Variants in CAST observed in about 807,000 individuals in gnomAD.
CAST encodes the protein MIR583 host.
CAST carries 76 observed loss-of-function variants against 119.6 expected under a neutral mutation model. The observed-to-expected ratio is 0.64, with a 90% CI of 0.53 to 0.77. The LOEUF is 0.77. Ranked by LOEUF, CAST falls within the 30% of genes least tolerant of loss-of-function variation. The probability of loss-of-function intolerance (pLI) is 0.00; values close to 1 mark genes in which losing one functional copy is unlikely to be tolerated. For synonymous variants in CAST, 319 were observed against 331.6 expected, an observed-to-expected ratio of 0.96 and a Z score of 0.41; for missense variants, 953 against 946.5, an observed-to-expected ratio of 1.01 and a Z score of -0.09.
chr5:96,633,306 C>T (rs988526616), intron 1 of CAST, among the ~76,000 whole-genome samples: 14 of 152,084 alleles, frequency 9.2e-5, no homozygotes, highest in African/African-American at 2.4e-4. Flanking sequence ...ATAGTATTGC[C>T]GTATTAACAA....
chr5:96,384,211 G>T, the CAST span, among the ~76,000 whole-genome samples: 1 of 152,044 alleles, frequency 6.6e-6, no homozygotes, highest in African/African-American at 2.4e-5. Context: ...TAGGAAATTG[G>T]GTAGAAAATT....
intron 1 of CAST, among the ~76,000 whole-genome samples, chr5:96,596,362 A>G (rs946250655): frequency 3.9e-5 from 6 of 152,286 alleles, no homozygotes; most frequent in Admixed American, 3.3e-4. Context: ...CAGCCACTAA[A>G]AGCTGAAAAA....
chr5:96,190,330 G>T, the CAST span, among the ~76,000 whole-genome samples: 3 of 152,178 alleles, frequency 2.0e-5, no homozygotes, highest in African/African-American at 7.2e-5. Flanking sequence ...TTCAGTGTGT[G>T]TGAGTGGGGA....
At chr5:96,145,892 T>C in the CAST span, among the ~76,000 whole-genome samples, 41 of 152,258 alleles carry the variant, frequency 2.7e-4, 1 homozygote, top group Admixed American at 2.0e-3. Context: ...CATACTTACA[T>C]AGTGGATGGT....
In CAST at chr5:96,766,118, C is replaced by T. The variant is rs61733809; in HGVS notation, c.2103C>T (p.Tyr701=). ...GAGATGACACTATCCCACCTGAATACAGACATCTCCTGGATGATAATGGAC... is the reference window on the plus strand; with the variant it reads ...GAGATGACACTATCCCACCTGAATATAGACATCTCCTGGATGATAATGGAC... The part of the protein sequence containing the change: ...GERDDTIPPE[Y]RHLLDDNGQD... The change falls in exon 27 of 32, where the codon TAC becomes TAT. Residue 701 remains tyrosine, a synonymous_variant. Coordinates refer to ENST00000675179, the MANE Select transcript of CAST (RefSeq NM_001750.7). The T allele has an allele frequency of 5.1e-3, 8,156 of 1,607,712 alleles. 40 individuals are homozygous for T. The highest frequency in any genetic ancestry group is 6.3e-3 in the Non-Finnish European group (7,393 of 1,174,750).
chr5:96,650,939 A>G (rs1301233712), intron 1 of CAST, among the ~76,000 whole-genome samples: 1 of 152,150 alleles, frequency 6.6e-6, no homozygotes, highest in Non-Finnish European at 1.5e-5. Context: ...TTGCTTTCCA[A>G]TCTTGACACT....
intron 4 of CAST, among the ~76,000 whole-genome samples, chr5:96,725,956 C>T (rs969120957): frequency 3.9e-5 from 6 of 152,188 alleles, no homozygotes; most frequent in East Asian, 3.9e-4. Context: ...AGTGTGTTAG[C>T]CTAGCAAGGG....
chr5:96,770,279 G>C (rs770765416), intron 29 of CAST: 4 of 465,602 alleles, frequency 8.6e-6, no homozygotes, highest in Non-Finnish European at 1.2e-5. Flanking sequence ...GTCTGGGTGA[G>C]TCAGGCACCA....
the CAST span, among the ~76,000 whole-genome samples, chr5:96,014,324 TA>T: frequency 6.6e-6 from 1 of 152,160 alleles, no homozygotes; most frequent in African/African-American, 2.4e-5. Context: ...CTCCTGTGAT[TA>T]AAAATGGCTT....
the CAST span, among the ~76,000 whole-genome samples, chr5:96,464,203 G>A: frequency 6.6e-6 from 1 of 152,080 alleles, no homozygotes; most frequent in East Asian, 1.9e-4. Flanking sequence ...TACAGAAAAG[G>A]TTCTGGTAAA....
the CAST span, among the ~76,000 whole-genome samples, chr5:96,229,010 GA>G: frequency 0.03 from 4,480 of 151,728 alleles, 222 homozygotes; most frequent in African/African-American, 0.1. Context: ...TCTACCTTTA[GA>G]ATAACGATTT....
At chr5:96,495,688 T>C in the CAST span, among the ~76,000 whole-genome samples, 2 of 152,224 alleles carry the variant, frequency 1.3e-5, no homozygotes, top group South Asian at 2.1e-4. Flanking sequence ...TTGGGTTGGT[T>C]CCAAGTCTTT....
chr5:96,541,061 T>C (rs559357739), intron 1 of CAST, among the ~76,000 whole-genome samples: 3 of 152,238 alleles, frequency 2.0e-5, no homozygotes, highest in African/African-American at 7.2e-5. Context: ...TCCTAAGGAG[T>C]GTAGAGTTAC....
At chr5:96,091,330 G>A in the CAST span, among the ~76,000 whole-genome samples, 9 of 151,412 alleles carry the variant, frequency 5.9e-5, no homozygotes, top group East Asian at 7.8e-4. Context: ...AGCCTCCTGA[G>A]TAGCTGGGAT....
the CAST span, among the ~76,000 whole-genome samples, chr5:96,262,401 T>C: frequency 6.6e-6 from 1 of 152,214 alleles, no homozygotes; most frequent in Non-Finnish European, 1.5e-5. Context: ...CCTTACTCTG[T>C]CCTTTCTTCA....
the CAST span, among the ~76,000 whole-genome samples, chr5:96,108,899 A>G: frequency 3.5e-3 from 533 of 152,338 alleles, 2 homozygotes; most frequent in African/African-American, 4.5e-3. Flanking sequence ...AGGACCCTCC[A>G]AGCCATGTGC....
At chr5:96,180,230 C>T in the CAST span, among the ~76,000 whole-genome samples, 6 of 152,186 alleles carry the variant, frequency 3.9e-5, no homozygotes, top group Non-Finnish European at 7.3e-5. Flanking sequence ...TATACACTTA[C>T]ATTTAACAAA....
chr5:96,046,393 C>T, the CAST span, among the ~76,000 whole-genome samples: 1 of 152,080 alleles, frequency 6.6e-6, no homozygotes, highest in African/African-American at 2.4e-5. Flanking sequence ...CAACTCTGCA[C>T]CTAAGTTGTG....
rs757958682 is a variant in CAST, at chr5:96,675,623, T to A, written c.138+22T>A. On this transcript the variant is annotated intron_variant, in intron 2 of 31. Coordinates refer to ENST00000675179, the MANE Select transcript of CAST (RefSeq NM_001750.7). ...TGAGGTAATTTCCACAATACTGGGC[T>A]TTCATTTTCTCTTGCTTTTAAACTG... is the stretch of plus-strand genomic sequence containing the variant. 15 of 1,540,932 alleles carry A rather than the reference T, an allele frequency of 9.7e-6. 1 individual carries two copies. In the South Asian group the frequency reaches 1.8e-4, roughly 18 times the overall value.
Sources: gnomAD v4.1 joint callset for allele counts (sites outside exome capture counted in the v4.1 genomes callset) on GRCh38, gnomAD v4.1.1 for gene constraint, MANE v1.5 for transcripts, NCBI Gene and HGNC (gene_info 2026-07-23, HGNC 2026-07-21) for gene names.